The following HMGCLL1 variants were observed in gnomAD, a reference collection of about 807,000 sequenced individuals.
HMGCLL1 encodes the protein 3-hydroxymethyl-3-methylglutaryl-CoA lyase, cytoplasmic.
HMGCLL1 carries 36 observed loss-of-function variants against 39.1 expected under a neutral mutation model. That is an observed-to-expected ratio of 0.92 (90% CI 0.71 to 1.22). HMGCLL1 has a LOEUF of 1.22. HMGCLL1 is among the 50% of genes most tolerant of loss of function. The pLI is 0.00. For synonymous variants in HMGCLL1, 149 were observed against 144.0 expected (o/e 1.03, Z -0.25); for missense variants, 451 against 416.5 (o/e 1.08, Z -0.72).
chr6:55,613,245 T>C, the HMGCLL1 span, among the ~76,000 whole-genome samples: 1 of 152,226 alleles, frequency 6.6e-6, no homozygotes, highest in Non-Finnish European at 1.5e-5. Flanking sequence ...CACAATGAGA[T>C]ACCATCTCAC....
the HMGCLL1 span, among the ~76,000 whole-genome samples, chr6:55,637,415 T>A: frequency 6.7e-6 from 1 of 149,872 alleles, no homozygotes; most frequent in South Asian, 2.1e-4. Context: ...TGTGGTAGAC[T>A]AGAATCTCAT....
intron 7 of HMGCLL1, among the ~76,000 whole-genome samples, chr6:55,455,099 C>A (rs148271151): frequency 2.6e-5 from 4 of 151,828 alleles, no homozygotes; most frequent in Admixed American, 2.6e-4. Context: ...AGAGTGAGAC[C>A]CCCATCTCTA....
At chr6:55,650,130 TATATACAC>T in the HMGCLL1 span, among the ~76,000 whole-genome samples, 4 of 51,046 alleles carry the variant, frequency 7.8e-5, no homozygotes, top group South Asian at 1.5e-3. Flanking sequence ...TATATATATA[TATATACAC>T]ACACACACAC....
At chr6:55,646,811 CAT>C in the HMGCLL1 span, among the ~76,000 whole-genome samples, 1 of 151,780 alleles carries the variant, frequency 6.6e-6, no homozygotes, top group Non-Finnish European at 1.5e-5. Flanking sequence ...TGTGATCTAA[CAT>C]ATTCTTGAAA....
chr6:55,606,558 G>T, the HMGCLL1 span, among the ~76,000 whole-genome samples: 3 of 152,006 alleles, frequency 2.0e-5, no homozygotes, highest in East Asian at 5.8e-4. Flanking sequence ...TAAACTAATA[G>T]TTTTTTTAAA....
At chr6:55,572,106 C>T (rs1451816415) in intron 1 of HMGCLL1, among the ~76,000 whole-genome samples, 1 of 152,014 alleles carries the variant, frequency 6.6e-6, no homozygotes, top group Admixed American at 6.6e-5. Flanking sequence ...CAAACATACA[C>T]ATACAGTCAA....
intron 3 of HMGCLL1, among the ~76,000 whole-genome samples, chr6:55,538,312 C>T (rs923222455): frequency 1.3e-5 from 2 of 152,066 alleles, no homozygotes; most frequent in Non-Finnish European, 1.5e-5. Context: ...ATAATATTAG[C>T]GAAATCTATT....
chr6:55,619,658 G>T, the HMGCLL1 span, among the ~76,000 whole-genome samples: 2 of 151,976 alleles, frequency 1.3e-5, no homozygotes, highest in South Asian at 2.1e-4. Context: ...GGAAAATAGG[G>T]TACTTATCCC....
chr6:55,647,343 T>A, the HMGCLL1 span, among the ~76,000 whole-genome samples: 9 of 152,090 alleles, frequency 5.9e-5, no homozygotes, highest in East Asian at 1.7e-3. Flanking sequence ...TTATTTTACA[T>A]CCATTCAGGC....
intron 8 of HMGCLL1, among the ~76,000 whole-genome samples, chr6:55,437,853 G>A (rs1763433666): frequency 6.6e-6 from 1 of 151,996 alleles, no homozygotes; most frequent in Non-Finnish European, 1.5e-5. Flanking sequence ...TCATAGCAGA[G>A]GTAGTAAGGG....
At position 55,435,780 on chromosome 6, in the gene HMGCLL1, G is replaced by T; in HGVS notation, c.922-17C>A. On this transcript the variant is annotated splice_polypyrimidine_tract_variant and intron_variant, in intron 8 of 8. Coordinates refer to ENST00000274901, the MANE Select transcript of HMGCLL1 (RefSeq NM_001042406.2). ...ATTCACACCCTGGTGACGAAATGAA[G>T]GAATATCAGGAAGGCAGAGGGATTA... 7.4e-7 allele frequency: 1 copy of T among 1,354,666 alleles called. No homozygotes were observed. Among genetic ancestry groups the T allele is most frequent in the Non-Finnish European group, 1.0e-6 (1 of 969,424 alleles). The allele number at this position is 1,354,666 out of a possible 1,614,324, so 83.9% of individuals were successfully genotyped here.
intron 1 of HMGCLL1, among the ~76,000 whole-genome samples, chr6:55,572,503 A>G (rs935799075): frequency 2.6e-5 from 4 of 152,112 alleles, no homozygotes; most frequent in Admixed American, 2.6e-4. Context: ...TAAAATATAT[A>G]TTCATTACCT....
chr6:55,470,077 T>A (rs1372185195), intron 7 of HMGCLL1, among the ~76,000 whole-genome samples: 4 of 151,912 alleles, frequency 2.6e-5, no homozygotes, highest in Non-Finnish European at 5.9e-5. Context: ...CAGGGATCAC[T>A]TTAATGTCTA....
intron 4 of HMGCLL1, among the ~76,000 whole-genome samples, chr6:55,515,693 G>C (rs1767701412): frequency 6.6e-6 from 1 of 151,824 alleles, no homozygotes; most frequent in African/African-American, 2.4e-5. Context: ...ACTTTGTTAG[G>C]ATTACTAGAT....
the HMGCLL1 span, among the ~76,000 whole-genome samples, chr6:55,638,125 A>G: frequency 1.3e-5 from 2 of 152,064 alleles, no homozygotes; most frequent in Non-Finnish European, 2.9e-5. Flanking sequence ...TATTAGAAAT[A>G]AAAAGTTATA....
At chr6:55,568,494 G>A (rs1352745467) in intron 1 of HMGCLL1, among the ~76,000 whole-genome samples, 1 of 152,086 alleles carries the variant, frequency 6.6e-6, no homozygotes, top group Non-Finnish European at 1.5e-5. Context: ...AATTAATAGT[G>A]CAAATTCTGT....
At chr6:55,493,685 C>G (rs1581853115) in intron 7 of HMGCLL1, among the ~76,000 whole-genome samples, 1 of 151,998 alleles carries the variant, frequency 6.6e-6, no homozygotes, top group East Asian at 1.9e-4. Flanking sequence ...ACAACACATA[C>G]ACACCATTTT....
At chr6:55,436,322 T>C (rs1763371636) in intron 8 of HMGCLL1, among the ~76,000 whole-genome samples, 1 of 151,954 alleles carries the variant, frequency 6.6e-6, no homozygotes, top group Admixed American at 6.6e-5. Context: ...AATGAAGTGG[T>C]ATTTAGTACA....
chr6:55,616,832 A>G, the HMGCLL1 span, among the ~76,000 whole-genome samples: 6 of 152,058 alleles, frequency 3.9e-5, no homozygotes, highest in Admixed American at 2.0e-4. Flanking sequence ...TTATGTCTTT[A>G]GAGAGGTGAG....
Sources: gnomAD v4.1 joint callset for allele counts (sites outside exome capture counted in the v4.1 genomes callset) on GRCh38, gnomAD v4.1.1 for gene constraint, MANE v1.5 for transcripts, NCBI Gene and HGNC (gene_info 2026-07-23, HGNC 2026-07-21) for gene names.